The following PPM1H variants were observed in gnomAD, a reference collection of about 807,000 sequenced individuals.
The protein encoded by PPM1H is protein phosphatase 1H.
A neutral mutation model predicts 54.9 loss-of-function variants in PPM1H; 27 were observed. That is an observed-to-expected ratio of 0.49 (90% CI 0.36 to 0.68). PPM1H has a LOEUF of 0.68. PPM1H is among the 30% of genes least tolerant of loss of function. PPM1H has a pLI of 0.00. For synonymous variants in PPM1H, 305 were observed against 270.8 expected (o/e 1.13, Z -1.24); for missense variants, 596 against 667.8 (o/e 0.89, Z 1.19).
intron 1 of PPM1H, among the ~76,000 whole-genome samples, chr12:62,892,332 C>A (rs1271678359): frequency 6.6e-6 from 1 of 152,152 alleles, no homozygotes; most frequent in Non-Finnish European, 1.5e-5. Flanking sequence ...TTCCTTTCAT[C>A]TCTTTGAAGA....
At chr12:62,791,786 T>C (rs898801943) in intron 3 of PPM1H, among the ~76,000 whole-genome samples, 3 of 152,120 alleles carry the variant, frequency 2.0e-5, no homozygotes, top group African/African-American at 7.2e-5. Flanking sequence ...TAGCTGGGTA[T>C]GGTGGTGTGC....
chr12:62,929,478 T>C (rs1380862136), intron 1 of PPM1H, among the ~76,000 whole-genome samples: 21 of 152,226 alleles, frequency 1.4e-4, no homozygotes, highest in Admixed American at 1.2e-3. Flanking sequence ...TAATGTATTT[T>C]TAGACAACAA....
intron 1 of PPM1H, among the ~76,000 whole-genome samples, chr12:62,887,080 A>G (rs1473477399): frequency 1.3e-5 from 2 of 152,206 alleles, no homozygotes; most frequent in Admixed American, 1.3e-4. Flanking sequence ...GCTGTATACA[A>G]GGACTCCGGC....
intron 1 of PPM1H, among the ~76,000 whole-genome samples, chr12:62,878,279 C>T (rs1592650109): frequency 6.6e-6 from 1 of 152,094 alleles, no homozygotes; most frequent in Non-Finnish European, 1.5e-5. Context: ...GTTACCTATA[C>T]TGAAAAGGAA....
chr12:62,838,000 A>G (rs1031693432), intron 1 of PPM1H, among the ~76,000 whole-genome samples: 1 of 152,124 alleles, frequency 6.6e-6, no homozygotes, highest in Non-Finnish European at 1.5e-5. Flanking sequence ...GAGTATCCAC[A>G]TGGTTCTGAA....
At chr12:62,781,759 C>T (rs1015312136) in intron 4 of PPM1H, among the ~76,000 whole-genome samples, 3 of 152,178 alleles carry the variant, frequency 2.0e-5, no homozygotes, top group Non-Finnish European at 2.9e-5. Context: ...AAGGGCCTCT[C>T]GGGTGCCCTC....
At chr12:62,726,131 C>T (rs182747154) in intron 5 of PPM1H, among the ~76,000 whole-genome samples, 11 of 152,276 alleles carry the variant, frequency 7.2e-5, no homozygotes, top group Admixed American at 2.0e-4. Context: ...TATGTCAAAC[C>T]CTATGGAGTT....
chr12:62,713,417 T>TGC (rs1038650016), intron 6 of PPM1H, among the ~76,000 whole-genome samples: 33 of 151,126 alleles, frequency 2.2e-4, no homozygotes, highest in African/African-American at 8.0e-4. Flanking sequence ...GGAGGGGAGG[T>TGC]GCGCTACTGA....
At chr12:62,749,229 A>G (rs1370180410) in intron 4 of PPM1H, among the ~76,000 whole-genome samples, 2 of 152,220 alleles carry the variant, frequency 1.3e-5, no homozygotes, top group African/African-American at 4.8e-5. Context: ...GACACTGTTA[A>G]GAGTATTCAT....
At chr12:62,826,860 G>A (rs1868296800) in intron 2 of PPM1H, among the ~76,000 whole-genome samples, 1 of 152,144 alleles carries the variant, frequency 6.6e-6, no homozygotes, top group East Asian at 1.9e-4. Flanking sequence ...TATTTATCCT[G>A]TTGTTCCATT....
At chr12:62,672,506 T>C (rs1347669956) in intron 8 of PPM1H, among the ~76,000 whole-genome samples, 1 of 152,204 alleles carries the variant, frequency 6.6e-6, no homozygotes, top group East Asian at 1.9e-4. Flanking sequence ...AAGTTAAGAT[T>C]CAAAGATCCT....
chr12:62,880,670 G>T (rs770962490), intron 1 of PPM1H, among the ~76,000 whole-genome samples: 7 of 152,208 alleles, frequency 4.6e-5, no homozygotes, highest in Non-Finnish European at 1.0e-4. Flanking sequence ...AGAGAAAATT[G>T]TGTCATTCTG....
At chr12:62,791,452 C>T (rs562580021) in intron 3 of PPM1H, among the ~76,000 whole-genome samples, 16 of 152,154 alleles carry the variant, frequency 1.1e-4, no homozygotes, top group African/African-American at 2.9e-4. Flanking sequence ...ATTTAAAGAA[C>T]GCATATAAAG....
In PPM1H at chr12:62,740,852, G is replaced by A. The variant is rs190981721; in HGVS notation, c.870-3266C>T. On this transcript the variant is annotated intron_variant, in intron 4 of 9. Transcript: ENST00000228705. ...CCTTCGGAGAGCAGGGCCCTGTGTG[G>A]TGCACAGGTTGCATGCTCACAAAGA... is the stretch of plus-strand genomic sequence containing the variant. 6.2e-4 allele frequency among the ~76,000 whole-genome samples: 95 copies of A among 152,310 alleles called. No individual in the cohort carries two copies. In the East Asian group the frequency reaches 0.012, roughly 20 times the overall value.
chr12:62,667,084 G>A (rs2136612168), intron 9 of PPM1H, 94 bp downstream of exon 9: 1 of 1,376,164 alleles, frequency 7.3e-7, no homozygotes, highest in Non-Finnish European at 1.0e-6. Flanking sequence ...CAGCCTCTAA[G>A]TCATGAATTA....
chr12:62,659,976 CGT>C (rs2075874069), intron 9 of PPM1H, among the ~76,000 whole-genome samples: 1 of 152,328 alleles, frequency 6.6e-6, no homozygotes, highest in Middle Eastern at 3.4e-3. Context: ...AACAGGCAAA[CGT>C]GTAGTCCCAG....
At chr12:62,719,616 CCT>C (rs1315693311) in intron 6 of PPM1H, among the ~76,000 whole-genome samples, 1 of 152,148 alleles carries the variant, frequency 6.6e-6, no homozygotes, top group African/African-American at 2.4e-5. Flanking sequence ...CGACAACCCC[CCT>C]GACAAGAGTT....
intron 1 of PPM1H, among the ~76,000 whole-genome samples, chr12:62,859,716 T>C (rs1869528497): frequency 6.6e-6 from 1 of 152,122 alleles, no homozygotes; most frequent in Non-Finnish European, 1.5e-5. Flanking sequence ...GAAACAAAGC[T>C]ATCATCTGAC....
intron 2 of PPM1H, among the ~76,000 whole-genome samples, chr12:62,805,952 C>T (rs1429386972): frequency 6.6e-6 from 1 of 152,066 alleles, no homozygotes; most frequent in African/African-American, 2.4e-5. Flanking sequence ...ATCATGCACA[C>T]CTTAAATACA....
Sources: gnomAD v4.1 joint callset for allele counts (sites outside exome capture counted in the v4.1 genomes callset) on GRCh38, gnomAD v4.1.1 for gene constraint, MANE v1.5 for transcripts, NCBI Gene and HGNC (gene_info 2026-07-23, HGNC 2026-07-21) for gene names.